SCN8A: variants seen among roughly 807,000 people sequenced by gnomAD.
SCN8A encodes the protein sodium channel protein type 8 subunit alpha.
A neutral mutation model predicts 184.1 loss-of-function variants in SCN8A; 30 were observed. The ratio of observed to expected loss-of-function variants is 0.16; its 90% CI spans 0.12 to 0.22. The LOEUF is 0.22. Among genes scored for constraint, SCN8A ranks in the 10% least tolerant of loss-of-function variants. The pLI, the probability that SCN8A is intolerant of heterozygous loss-of-function variation, is 1.00. For missense variants in SCN8A, 1,057 were observed against 2,498.9 expected (o/e 0.42, Z 12.30); for synonymous variants, 852 against 907.0 (o/e 0.94, Z 1.09).
At chr12:51,645,779 C>T (rs1940571250) in intron 1 of SCN8A, among the ~76,000 whole-genome samples, 1 of 147,800 alleles carries the variant, frequency 6.8e-6, no homozygotes, top group Admixed American at 6.7e-5. Flanking sequence ...GTCATCACCA[C>T]TCCCTAATCT....
chr12:51,620,403 G>T, intron 1 of SCN8A, among the ~76,000 whole-genome samples: 1 of 152,038 alleles, frequency 6.6e-6, no homozygotes, highest in East Asian at 1.9e-4. Context: ...TTCTTTATAT[G>T]GGAGGACTCT....
chr12:51,620,909 C>T (rs1939947665), intron 1 of SCN8A, among the ~76,000 whole-genome samples: 1 of 151,916 alleles, frequency 6.6e-6, no homozygotes, highest in East Asian at 1.9e-4. Context: ...ATGGATTGAG[C>T]CCAGGAGGTT....
chr12:51,662,650 CTA>C (rs966085991), intron 1 of SCN8A, 112 bp from the exon 2 acceptor site: 13 of 652,856 alleles, frequency 2.0e-5, no homozygotes, highest in East Asian at 2.7e-5. Context: ...ATGGAAGAAA[CTA>C]TGTGTTTTTT....
rs537459917 is a variant in SCN8A, at chr12:51,709,805, G to A, written c.1635+3090G>A. 3.3e-5 allele frequency among the ~76,000 whole-genome samples: 5 copies of A among 152,224 alleles called. No individual in the cohort carries two copies. In the South Asian group the frequency reaches 1.0e-3, roughly 32 times the overall value. On this transcript the variant is annotated intron_variant, in intron 11 of 26. Coordinates refer to ENST00000627620, the MANE Select transcript of SCN8A (RefSeq NM_001330260.2). ...GTAGAGCACAATCTTGGAAGATACC[G>A]AAATAGATGTGGTTTTTAACAGAAA...
intron 26 of SCN8A, among the ~76,000 whole-genome samples, chr12:51,805,698 G>T (rs1938679667): frequency 6.6e-6 from 1 of 152,134 alleles, no homozygotes; most frequent in Admixed American, 6.5e-5. Flanking sequence ...TTCAAGACCA[G>T]CCTGGGCAAC....
intron 11 of SCN8A, chr12:51,713,484 A>T: frequency 1.3e-6 from 1 of 767,580 alleles, no homozygotes; most frequent in Non-Finnish European, 2.4e-6. Flanking sequence ...CAAAGTTCAG[A>T]CTACCAATAA....
At chr12:51,680,359 C>T (rs184088376) in intron 2 of SCN8A, among the ~76,000 whole-genome samples, 30 of 152,290 alleles carry the variant, frequency 2.0e-4, no homozygotes, top group Admixed American at 1.6e-3. Flanking sequence ...TTTTTGAATT[C>T]ACTAAAGATG....
At chr12:51,790,606 G>A in intron 25 of SCN8A, 104 bp downstream of exon 25, 1 of 728,710 alleles carries the variant, frequency 1.4e-6, no homozygotes. Flanking sequence ...TGGCTGCTTT[G>A]TGCCTAATCC....
chr12:51,789,541 T>G, intron 24 of SCN8A, 123 bp downstream of exon 24: 4 of 1,121,882 alleles, frequency 3.6e-6, no homozygotes, highest in Middle Eastern at 2.1e-4. Context: ...GTTAGCTCAC[T>G]GTGACCCTGG....
intron 18 of SCN8A, 121 bp downstream of exon 18, chr12:51,770,106 C>T (rs1230136610): frequency 8.2e-5 from 56 of 681,604 alleles, no homozygotes; most frequent in Middle Eastern, 3.9e-4. Context: ...CTTTGCTCCC[C>T]ACCCCACCAT....
Position 51,807,469 on chromosome 12 carries a change from G to C in SCN8A, c.*40G>C. On this transcript the variant is annotated 3_prime_UTR_variant, in exon 27 of 27. Transcript: ENST00000627620. This position sits in a 1 kb window ranked among gnomAD's most constrained non-coding sequence, Gnocchi z 4.5. The stretch of plus-strand genomic sequence containing the variant: ...TCAGTATTATACAGATCTAAAACTC[G>C]CAAGTGAAAGATTGTTTACAAACTT... 1 of 1,552,954 alleles carries C rather than the reference G, an allele frequency of 6.4e-7. No individual in the cohort carries two copies. Among genetic ancestry groups the C allele is most frequent in the Non-Finnish European group, 8.8e-7 (1 of 1,142,560 alleles).
intron 1 of SCN8A, among the ~76,000 whole-genome samples, chr12:51,653,523 C>T (rs767458258): frequency 3.3e-5 from 5 of 152,300 alleles, no homozygotes; most frequent in Middle Eastern, 3.4e-3. Context: ...TTTTAAGCTA[C>T]ATAAATATTT....
chr12:51,722,177 C>G (rs191810813), intron 12 of SCN8A: 1 of 564,334 alleles, frequency 1.8e-6, no homozygotes, highest in Non-Finnish European at 3.1e-6. Flanking sequence ...CCCATCTTCC[C>G]TCCTTGTTTC....
intron 20 of SCN8A, among the ~76,000 whole-genome samples, chr12:51,775,147 TAAAGAAAGGATGAATGGGATTTGTA>T: frequency 6.6e-6 from 1 of 152,218 alleles, no homozygotes; most frequent in African/African-American, 2.4e-5. Context: ...GTCAGCATTT[TAAAGAAAGGATGAATGGGATTTGTA>T]GGACCAGGGC....
At position 51,688,985 on chromosome 12, in the gene SCN8A, T is replaced by C. The variant is rs1219551431; in HGVS notation, c.615-20T>C. On this transcript the variant is annotated intron_variant, in intron 5 of 26. Coordinates refer to ENST00000627620, the MANE Select transcript of SCN8A (RefSeq NM_001330260.2). ...TCTGTGTTTGTCACTTGTGTCTGTG[T>C]GTGACCTCCCTTACTACAGATATGT... 1 of 1,606,740 alleles carries C rather than the reference T, an allele frequency of 6.2e-7. No individual in the cohort carries two copies. The highest frequency in any genetic ancestry group is 8.5e-7 in the Non-Finnish European group (1 of 1,173,372).
chr12:51,696,348 AATTATTGATTCAAT>A, intron 6 of SCN8A, among the ~76,000 whole-genome samples: 1 of 152,354 alleles, frequency 6.6e-6, no homozygotes, highest in Admixed American at 6.5e-5. Context: ...CCTAGGATTG[AATTATTGATTCAAT>A]ATAGGCCCAC....
At chr12:51,650,000 T>C (rs1232970692) in intron 1 of SCN8A, among the ~76,000 whole-genome samples, 1 of 152,354 alleles carries the variant, frequency 6.6e-6, no homozygotes. Context: ...GCTTTGCTGC[T>C]TAGAAATTTC....
At chr12:51,784,973 C>T (rs190332274) in intron 21 of SCN8A, among the ~76,000 whole-genome samples, 29 of 152,314 alleles carry the variant, frequency 1.9e-4, no homozygotes, top group Admixed American at 1.6e-3. Context: ...CAGAAAGTCA[C>T]GATCTCCCAC....
chr12:51,688,981 T>G (rs771637529), intron 5 of SCN8A, 24 bp from the exon 6 acceptor site: 1 of 1,602,816 alleles, frequency 6.2e-7, no homozygotes, highest in African/African-American at 1.3e-5. Flanking sequence ...CACTTGTGTC[T>G]GTGTGTGACC....
Sources: gnomAD v4.1 joint callset for allele counts (sites outside exome capture counted in the v4.1 genomes callset) on GRCh38, gnomAD v4.1.1 for gene constraint, Gnocchi (gnomAD v3.1) non-coding constraint, MANE v1.5 for transcripts, NCBI Gene and HGNC (gene_info 2026-07-23, HGNC 2026-07-21) for gene names.